The following SLC24A2 variants were observed in gnomAD, a reference collection of about 807,000 sequenced individuals.
SLC24A2 encodes sodium/potassium/calcium exchanger 2.
SLC24A2 carries 36 observed loss-of-function variants against 62.0 expected under a neutral mutation model. The observed-to-expected ratio is 0.58, with a 90% CI of 0.44 to 0.77. SLC24A2 has a LOEUF of 0.77. Ranked by LOEUF, SLC24A2 falls within the 30% of genes least tolerant of loss-of-function variation. SLC24A2 has a pLI of 0.00. For missense variants in SLC24A2, 846 were observed against 817.9 expected (o/e 1.03, Z -0.42); for synonymous variants, 358 against 294.0 (o/e 1.22, Z -2.23).
the SLC24A2 span, among the ~76,000 whole-genome samples, chr9:20,241,367 G>A: frequency 6.6e-6 from 1 of 152,190 alleles, no homozygotes; most frequent in East Asian, 1.9e-4. Context: ...GGGTCCACTA[G>A]GGAAGCATGT....
At chr9:20,256,186 G>T in the SLC24A2 span, among the ~76,000 whole-genome samples, 1 of 152,110 alleles carries the variant, frequency 6.6e-6, no homozygotes, top group Non-Finnish European at 1.5e-5. Context: ...GTTGCCTTGG[G>T]GATTAAGCTT....
chr9:20,177,555 A>T, the SLC24A2 span, among the ~76,000 whole-genome samples: 1 of 152,098 alleles, frequency 6.6e-6, no homozygotes, highest in Admixed American at 6.6e-5. Flanking sequence ...TCTTGAGAGG[A>T]AGTGAGTGGT....
At chr9:20,122,623 T>C in the SLC24A2 span, among the ~76,000 whole-genome samples, 2 of 152,184 alleles carry the variant, frequency 1.3e-5, no homozygotes, top group Admixed American at 6.5e-5. Flanking sequence ...GAAGCAGAGA[T>C]TGCAGTGAGT....
At chr9:19,710,242 T>C (rs148102869) in intron 2 of SLC24A2, among the ~76,000 whole-genome samples, 3,032 of 152,228 alleles carry the variant, frequency 0.02, 42 homozygotes, top group Non-Finnish European at 0.028. Flanking sequence ...TCTGCCCCTA[T>C]GGGTAGAGGA....
At chr9:19,708,218 A>C (rs1820595355) in intron 2 of SLC24A2, among the ~76,000 whole-genome samples, 1 of 152,226 alleles carries the variant, frequency 6.6e-6, no homozygotes, top group Non-Finnish European at 1.5e-5. Context: ...GGACCTCTTC[A>C]AGCAGAACTA....
the SLC24A2 span, among the ~76,000 whole-genome samples, chr9:20,084,893 G>A: frequency 6.6e-6 from 1 of 152,144 alleles, no homozygotes; most frequent in Non-Finnish European, 1.5e-5. Flanking sequence ...TGTGTGTACA[G>A]TTGAGGGTTT....
the SLC24A2 span, among the ~76,000 whole-genome samples, chr9:19,839,593 C>T: frequency 3.3e-5 from 5 of 151,986 alleles, no homozygotes; most frequent in East Asian, 1.9e-4. Context: ...TAATTACAAT[C>T]GTTTGAAGTA....
the SLC24A2 span, among the ~76,000 whole-genome samples, chr9:20,216,430 C>G: frequency 1.3e-5 from 2 of 152,058 alleles, no homozygotes; most frequent in Admixed American, 1.3e-4. Context: ...ATTTAAGATA[C>G]TTGTGTTATA....
intron 7 of SLC24A2, among the ~76,000 whole-genome samples, chr9:19,553,918 G>A (rs902561245): frequency 2.0e-5 from 3 of 152,134 alleles, no homozygotes. Context: ...GCCTATTATG[G>A]ACTGAATTGT....
At chr9:20,008,180 G>A in the SLC24A2 span, among the ~76,000 whole-genome samples, 2 of 151,960 alleles carry the variant, frequency 1.3e-5, no homozygotes, top group African/African-American at 4.8e-5. Context: ...ACAGGCTTAA[G>A]CCACTGCGCC....
intron 7 of SLC24A2, among the ~76,000 whole-genome samples, chr9:19,562,001 G>A (rs56347649): frequency 0.12 from 17,788 of 152,106 alleles, 1,115 homozygotes; most frequent in African/African-American, 0.17. Flanking sequence ...TTTCCGAGAG[G>A]CCAAGAAACC....
intron 7 of SLC24A2, among the ~76,000 whole-genome samples, chr9:19,566,262 T>G (rs1399256881): frequency 1.3e-5 from 2 of 149,658 alleles, no homozygotes; most frequent in Non-Finnish European, 3.0e-5. Flanking sequence ...CTCAAACAAA[T>G]TTACAAGAAA....
At chr9:19,892,182 G>A in the SLC24A2 span, among the ~76,000 whole-genome samples, 1 of 152,056 alleles carries the variant, frequency 6.6e-6, no homozygotes, top group Admixed American at 6.6e-5. Context: ...AATCTTTGAA[G>A]AGCTGCCTCT....
At chr9:20,164,990 G>C in the SLC24A2 span, among the ~76,000 whole-genome samples, 1 of 114,276 alleles carries the variant, frequency 8.8e-6, no homozygotes, top group Non-Finnish European at 1.7e-5. Context: ...GTTGTGGGGT[G>C]GGGGGAGGGG....
chr9:19,579,639 A>T (rs1836144196), intron 5 of SLC24A2, among the ~76,000 whole-genome samples: 1 of 152,344 alleles, frequency 6.6e-6, no homozygotes, highest in South Asian at 2.1e-4. Context: ...ATAATAATAA[A>T]GCAGGAAAGC....
the SLC24A2 span, among the ~76,000 whole-genome samples, chr9:19,877,296 A>C: frequency 4.7e-5 from 7 of 148,678 alleles, no homozygotes; most frequent in African/African-American, 1.7e-4. Flanking sequence ...CAGGCTGGGA[A>C]GAGAGAGACT....
At chr9:20,302,481 T>C in the SLC24A2 span, among the ~76,000 whole-genome samples, 1 of 152,208 alleles carries the variant, frequency 6.6e-6, no homozygotes, top group Non-Finnish European at 1.5e-5. Flanking sequence ...CTAATGACAG[T>C]GATGTGGAAC....
At chr9:20,019,253 G>GAGAGAA in the SLC24A2 span, among the ~76,000 whole-genome samples, 3 of 109,640 alleles carry the variant, frequency 2.7e-5, no homozygotes, top group Non-Finnish European at 5.7e-5. Context: ...AAGAAGGAAA[G>GAGAGAA]AGAAAGAAAG....
chr9:19,954,443 A>T, the SLC24A2 span, among the ~76,000 whole-genome samples: 1 of 152,136 alleles, frequency 6.6e-6, no homozygotes, highest in Non-Finnish European at 1.5e-5. Context: ...GAATGGTACC[A>T]ATAGTAATTG....
Sources: allele counts gnomAD v4.1 joint callset (sites outside exome capture counted in the v4.1 genomes callset), GRCh38; gene constraint gnomAD v4.1.1; transcripts MANE v1.5; gene names NCBI Gene and HGNC (gene_info 2026-07-23, HGNC 2026-07-21).